Variants in ADAMTS18 observed in about 807,000 individuals in gnomAD.
ADAMTS18 encodes ADAM metallopeptidase with thrombospondin type 1 motif 18.
Under a neutral mutation model 165.9 loss-of-function variants are expected in ADAMTS18, and 157 were observed. That is an observed-to-expected ratio of 0.95 (90% confidence interval 0.83 to 1.08). ADAMTS18 has a LOEUF of 1.08. Ranked by LOEUF, ADAMTS18 falls within the 50% of genes least tolerant of loss-of-function variation. The pLI, the probability that ADAMTS18 is intolerant of heterozygous loss-of-function variation, is 0.00. For synonymous variants in ADAMTS18, 782 were observed against 578.2 expected, an observed-to-expected ratio of 1.35 and a Z score of -5.06; for missense variants, 2,040 against 1,534.0, an observed-to-expected ratio of 1.33 and a Z score of -5.51.
chr16:77,337,663 T>G (rs1241907775), intron 11 of ADAMTS18, among the ~76,000 whole-genome samples: 1 of 152,198 alleles, frequency 6.6e-6, no homozygotes, highest in East Asian at 1.9e-4. Flanking sequence ...GAAAATGTGT[T>G]TTTTAGATCT....
rs1327589905 is a variant in ADAMTS18 at position 77,364,399 on chromosome 16, G to C, written c.779-18C>G. On this transcript the variant is annotated intron_variant, in intron 4 of 22. Transcript: ENST00000282849. ...GGGAGCATCTACGATGAACAGAAGA[G>C]CATTTGGAAGGGATATTAGAGAATA... 3 of 1,612,286 alleles carry C rather than the reference G, an allele frequency of 1.9e-6. No individual in the cohort carries two copies. The South Asian group carries it at 3.3e-5, about 18-fold the overall frequency.
At chr16:77,428,361 T>C (rs766429350) in intron 3 of ADAMTS18, among the ~76,000 whole-genome samples, 12 of 152,194 alleles carry the variant, frequency 7.9e-5, no homozygotes, top group Non-Finnish European at 1.8e-4. Context: ...AGAGGAGTTA[T>C]GAACCCCTGA....
Position 77,355,939 on chromosome 16 carries a change from CCTGAGGAATTT to C in ADAMTS18, c.1450_1460del (p.Lys484HisfsTer10). 6.2e-7 allele frequency: 1 copy of C among 1,613,980 alleles called. No homozygotes were observed. Among genetic ancestry groups the C allele is most frequent in the Non-Finnish European group, 8.5e-7 (1 of 1,179,902 alleles). On this transcript the variant is annotated frameshift_variant and splice_region_variant, in exon 9 of 23. Transcript: ENST00000282849. LOFTEE classifies it high-confidence loss of function. ...GCACCCCAGGATTTAACCTGTCATACCTGAGGAATTTCTTGAGATACTGGCGGCTGCAGGAA... is the reference window on the plus strand; with the variant it reads ...GCACCCCAGGATTTAACCTGTCATACCTTGAGATACTGGCGGCTGCAGGAA...
chr16:77,374,816 C>A (rs1014110449), intron 3 of ADAMTS18, among the ~76,000 whole-genome samples: 1 of 152,094 alleles, frequency 6.6e-6, no homozygotes, highest in Non-Finnish European at 1.5e-5. Flanking sequence ...CTCACATAGC[C>A]TGTCATCTTC....
intron 19 of ADAMTS18, 68 bp from the exon 20 acceptor site, chr16:77,293,326 C>A (rs866051658): frequency 8.7e-5 from 108 of 1,243,578 alleles, no homozygotes; most frequent in Admixed American, 1.3e-4. Flanking sequence ...AAAAAAAAAA[C>A]AACACACTAA....
intron 6 of ADAMTS18, 144 bp downstream of exon 6, chr16:77,363,658 A>C (rs2056748749): frequency 1.5e-6 from 1 of 647,810 alleles, no homozygotes; most frequent in Admixed American, 2.7e-5. Flanking sequence ...CAATCTTTTA[A>C]AATTGTACTT....
chr16:77,361,889 T>TAAAA (rs34606614), intron 7 of ADAMTS18, among the ~76,000 whole-genome samples: 80,153 of 150,380 alleles, frequency 0.53, 21,731 homozygotes, highest in Non-Finnish European at 0.58. Context: ...CATCTCAAAT[T>TAAAA]AAAAAAAATA....
intron 3 of ADAMTS18, among the ~76,000 whole-genome samples, chr16:77,381,911 A>G (rs963414228): frequency 1.3e-5 from 2 of 152,200 alleles, no homozygotes; most frequent in African/African-American, 4.8e-5. Flanking sequence ...AGCTTCCCCC[A>G]TGGATCCAGA....
intron 3 of ADAMTS18, among the ~76,000 whole-genome samples, chr16:77,382,444 T>C (rs2057045322): frequency 1.3e-5 from 2 of 152,158 alleles, no homozygotes; most frequent in African/African-American, 4.8e-5. Flanking sequence ...TCTCCTGACC[T>C]CGTGATCCGC....
intron 3 of ADAMTS18, among the ~76,000 whole-genome samples, chr16:77,408,882 CCA>C (rs1443694853): frequency 4.6e-5 from 7 of 152,176 alleles, no homozygotes; most frequent in African/African-American, 1.7e-4. Context: ...TCAAAGTCAA[CCA>C]CAGTCTTAAA....
intron 21 of ADAMTS18, chr16:77,290,513 C>G (rs2055341475): frequency 6.6e-6 from 1 of 152,350 alleles, no homozygotes; most frequent in Non-Finnish European, 1.5e-5. Context: ...TTCCTTTCCT[C>G]TCATCCATGT....
At chr16:77,291,919 C>A (rs76519332) in intron 20 of ADAMTS18, among the ~76,000 whole-genome samples, 1 of 152,314 alleles carries the variant, frequency 6.6e-6, no homozygotes, top group East Asian at 1.9e-4. Flanking sequence ...ATGGGAAAAA[C>A]CACTGTACAG....
chr16:77,317,285 A>G (rs1418574058), intron 16 of ADAMTS18, among the ~76,000 whole-genome samples: 1 of 152,172 alleles, frequency 6.6e-6, no homozygotes, highest in Admixed American at 6.5e-5. Flanking sequence ...TTTACTGTCA[A>G]TGTGAAACTC....
chr16:77,426,206 C>G (rs770609428), intron 3 of ADAMTS18, among the ~76,000 whole-genome samples: 12 of 152,144 alleles, frequency 7.9e-5, no homozygotes, highest in Non-Finnish European at 1.8e-4. Context: ...TTTTCCCTAA[C>G]TTGTATGACC....
At chr16:77,342,667 T>C (rs2056416428) in intron 10 of ADAMTS18, among the ~76,000 whole-genome samples, 4 of 152,220 alleles carry the variant, frequency 2.6e-5, no homozygotes, top group Admixed American at 2.6e-4. Context: ...AATAATTTCA[T>C]TCTCATGCTA....
In ADAMTS18 at chr16:77,322,385, G is replaced by T; in HGVS notation, c.2114C>A (p.Thr705Asn). The T allele has an allele frequency of 6.2e-7, 1 of 1,613,928 alleles. No homozygotes were observed. Among genetic ancestry groups the T allele is most frequent in the Non-Finnish European group, 8.5e-7 (1 of 1,179,956 alleles). ...FAMSGKVKDG[T>N]PCSPNKNDVC... ...ATCATTTTTGTTTGGGGAGCAGGGAGTTCCATCTTTCACTTTGCCGGACAT... is the reference window on the plus strand; with the variant it reads ...ATCATTTTTGTTTGGGGAGCAGGGATTTCCATCTTTCACTTTGCCGGACAT... Residue 705 changes from threonine to asparagine, a missense_variant, in exon 14 of 23, where the codon ACT becomes AAT. By Grantham distance (65) the Thr-to-Asn change is moderately conservative. Transcript: ENST00000282849.
At chr16:77,391,397 A>G (rs554665887) in intron 3 of ADAMTS18, among the ~76,000 whole-genome samples, 3 of 152,148 alleles carry the variant, frequency 2.0e-5, no homozygotes, top group Non-Finnish European at 2.9e-5. Flanking sequence ...AGGCTGAAGC[A>G]GAAGAATCGC....
intron 14 of ADAMTS18, 74 bp from the exon 15 acceptor site, chr16:77,321,276 A>C (rs2055994032): frequency 2.5e-6 from 4 of 1,583,844 alleles, no homozygotes; most frequent in Middle Eastern, 1.9e-4. Flanking sequence ...TAAGAGGTAT[A>C]TGGTTCTCTG....
At chr16:77,388,684 G>T (rs931850293) in intron 3 of ADAMTS18, among the ~76,000 whole-genome samples, 1 of 152,038 alleles carries the variant, frequency 6.6e-6, no homozygotes, top group Admixed American at 6.6e-5. Flanking sequence ...GTGACTAGTG[G>T]GCCCATTTCA....
Sources: gnomAD v4.1 joint callset for allele counts (sites outside exome capture counted in the v4.1 genomes callset) on GRCh38, gnomAD v4.1.1 for gene constraint, MANE v1.5 for transcripts, NCBI Gene and HGNC (gene_info 2026-07-23, HGNC 2026-07-21) for gene names.